The following FARS2 variants were observed in gnomAD, a reference collection of about 807,000 sequenced individuals.
FARS2 encodes phenylalanyl-tRNA synthetase 2, mitochondrial.
FARS2 carries 40 observed loss-of-function variants against 46.4 expected under a neutral mutation model. That is an observed-to-expected ratio of 0.86 (90% CI 0.67 to 1.12). FARS2 has a LOEUF of 1.12. FARS2 is among the 50% of genes most tolerant of loss of function. The pLI is 0.00. For missense variants in FARS2, 513 were observed against 567.9 expected, an observed-to-expected ratio of 0.90 and a Z score of 0.98; for synonymous variants, 234 against 214.9, an observed-to-expected ratio of 1.09 and a Z score of -0.78.
intron 4 of FARS2, among the ~76,000 whole-genome samples, chr6:5,447,916 G>A: frequency 6.6e-6 from 1 of 152,232 alleles, no homozygotes; most frequent in East Asian, 1.9e-4. Flanking sequence ...GCAGAATCAG[G>A]GAGGTTATCC....
intron 1 of FARS2, among the ~76,000 whole-genome samples, chr6:5,356,825 G>A (rs1049233384): frequency 6.6e-6 from 1 of 152,106 alleles, no homozygotes; most frequent in Non-Finnish European, 1.5e-5. Context: ...CAGATAAGAA[G>A]AACGGACGGC....
chr6:5,646,343 A>G (rs1258265133), intron 6 of FARS2, among the ~76,000 whole-genome samples: 2 of 152,198 alleles, frequency 1.3e-5, no homozygotes, highest in African/African-American at 4.8e-5. Flanking sequence ...GGTTCTGACG[A>G]ACGAGCTGTG....
At chr6:5,691,202 C>G (rs1031339468) in intron 6 of FARS2, among the ~76,000 whole-genome samples, 1 of 152,188 alleles carries the variant, frequency 6.6e-6, no homozygotes, top group Admixed American at 6.5e-5. Flanking sequence ...CAAAGTCATT[C>G]TCCATTCAGC....
intron 4 of FARS2, among the ~76,000 whole-genome samples, chr6:5,445,078 T>C (rs1312115003): frequency 6.6e-6 from 1 of 152,194 alleles, no homozygotes; most frequent in Non-Finnish European, 1.5e-5. Flanking sequence ...CCATAGAGGA[T>C]TGTGTTTTGT....
chr6:5,731,070 C>T (rs554331496), intron 6 of FARS2, among the ~76,000 whole-genome samples: 1 of 152,294 alleles, frequency 6.6e-6, no homozygotes, highest in East Asian at 1.9e-4. Flanking sequence ...TGTACATGCT[C>T]ACCATACAGC....
chr6:5,315,811 G>C (rs1769479235), intron 1 of FARS2, among the ~76,000 whole-genome samples: 1 of 144,544 alleles, frequency 6.9e-6, no homozygotes, highest in African/African-American at 2.5e-5. Flanking sequence ...TAACGCATTT[G>C]TGATGCGCTG....
chr6:5,301,588 A>G (rs1458900984), intron 1 of FARS2, among the ~76,000 whole-genome samples: 1 of 152,076 alleles, frequency 6.6e-6, no homozygotes, highest in African/African-American at 2.4e-5. Flanking sequence ...CAAAGCCAAA[A>G]TCATTTCTAA....
intron 1 of FARS2, among the ~76,000 whole-genome samples, chr6:5,298,666 A>G (rs1768066889): frequency 6.6e-6 from 1 of 152,156 alleles, no homozygotes. Context: ...GGATTTTTAA[A>G]AAGCTTCTGA....
chr6:5,578,635 C>T (rs1773127804), intron 5 of FARS2, among the ~76,000 whole-genome samples: 1 of 151,788 alleles, frequency 6.6e-6, no homozygotes, highest in South Asian at 2.1e-4. Context: ...CAGTGAAACC[C>T]CATCTCCACT....
At chr6:5,661,527 G>A (rs2150781862) in intron 6 of FARS2, among the ~76,000 whole-genome samples, 1 of 152,296 alleles carries the variant, frequency 6.6e-6, no homozygotes, top group East Asian at 1.9e-4. Flanking sequence ...ACGTGGGGGA[G>A]CCAGGAGTGA....
chr6:5,694,063 A>T (rs1757944847), intron 6 of FARS2, among the ~76,000 whole-genome samples: 1 of 152,222 alleles, frequency 6.6e-6, no homozygotes, highest in African/African-American at 2.4e-5. Flanking sequence ...AGATCATGTA[A>T]GTTGGATGAT....
intron 1 of FARS2, among the ~76,000 whole-genome samples, chr6:5,336,636 TC>T (rs1771179994): frequency 6.6e-6 from 1 of 152,170 alleles, no homozygotes; most frequent in African/African-American, 2.4e-5. Context: ...CAATCATTTA[TC>T]CTTGAGTTAC....
chr6:5,390,661 G>A (rs573361575), intron 2 of FARS2, among the ~76,000 whole-genome samples: 1 of 152,194 alleles, frequency 6.6e-6, no homozygotes, highest in South Asian at 2.1e-4. Context: ...AACATATTAT[G>A]CCTACATTTC....
chr6:5,496,514 G>A (rs1767474870), intron 4 of FARS2, among the ~76,000 whole-genome samples: 1 of 152,124 alleles, frequency 6.6e-6, no homozygotes. Flanking sequence ...TGTTTAAGTG[G>A]CAGAAATTTA....
chr6:5,503,393 CACACACACACACAGAG>C (rs925754321), intron 4 of FARS2, among the ~76,000 whole-genome samples: 1 of 68,944 alleles, frequency 1.5e-5, no homozygotes, highest in Non-Finnish European at 3.0e-5. Context: ...CACACACACA[CACACACACACACAGAG>C]AGAGAGAGAG....
At chr6:5,423,432 C>T (rs757933135) in intron 3 of FARS2, among the ~76,000 whole-genome samples, 1 of 151,998 alleles carries the variant, frequency 6.6e-6, no homozygotes, top group Non-Finnish European at 1.5e-5. Context: ...AAAAGGATCC[C>T]TGTGTAGAGG....
intron 1 of FARS2, among the ~76,000 whole-genome samples, chr6:5,264,477 GTTTTTCTTTTCT>G (rs1244063011): frequency 6.7e-6 from 1 of 150,062 alleles, no homozygotes; most frequent in Non-Finnish European, 1.5e-5. Context: ...ATAGGTTATG[GTTTTTCTTTTCT>G]TTTTTCTTTT....
intron 1 of FARS2, among the ~76,000 whole-genome samples, chr6:5,289,769 C>A (rs1427343148): frequency 2.0e-5 from 3 of 152,194 alleles, no homozygotes; most frequent in African/African-American, 7.2e-5. Context: ...GAGATACTTT[C>A]AATTTTTCAT....
rs75220544 is a variant in FARS2, at chr6:5,314,518, G to A, written c.-22+52858G>A. Among the ~76,000 whole-genome samples the A allele has an allele frequency of 8.2e-3, 1,251 of 152,290 alleles. 12 individuals are homozygous for A. Among genetic ancestry groups the A allele is most frequent in the African/African-American group, 0.028 (1,169 of 41,562 alleles). On this transcript the variant is annotated intron_variant, in intron 1 of 6. Transcript: ENST00000274680. ...TTTCAGGAGGTAGCTGAGAAAATCC[G>A]TCAGTTGTTTGCTGAGCACTTACCT...
Sources: allele counts gnomAD v4.1 joint callset (sites outside exome capture counted in the v4.1 genomes callset), GRCh38; gene constraint gnomAD v4.1.1; transcripts MANE v1.5; gene names NCBI Gene and HGNC (gene_info 2026-07-23, HGNC 2026-07-21).